The following NUP133 variants were observed in gnomAD, a reference collection of about 807,000 sequenced individuals.
The protein encoded by NUP133 is nucleoporin 133.
A neutral mutation model predicts 146.2 loss-of-function variants in NUP133; 66 were observed. The observed-to-expected ratio is 0.45, with a 90% CI of 0.37 to 0.55. NUP133 has a LOEUF of 0.55. Ranked by LOEUF, NUP133 falls within the 20% of genes least tolerant of loss-of-function variation. The pLI is 0.00. For synonymous variants in NUP133, 521 were observed against 498.8 expected, an observed-to-expected ratio of 1.04 and a Z score of -0.59; for missense variants, 1,277 against 1,374.8, an observed-to-expected ratio of 0.93 and a Z score of 1.12.
At chr1:229,466,968 C>T (rs1397543456) in intron 15 of NUP133, among the ~76,000 whole-genome samples, 1 of 147,284 alleles carries the variant, frequency 6.8e-6, no homozygotes, top group Non-Finnish European at 1.5e-5. Context: ...GTCTTATAAA[C>T]AGGCAAATTC....
At chr1:229,491,791 T>C (rs1661522285) in intron 8 of NUP133, among the ~76,000 whole-genome samples, 1 of 151,900 alleles carries the variant, frequency 6.6e-6, no homozygotes, top group South Asian at 2.1e-4. Context: ...AAAAAAATAA[T>C]TTTAGGCCAG....
In NUP133 at chr1:229,470,184, T is replaced by C. The variant is rs948579406; in HGVS notation, c.2076+396A>G. Among the ~76,000 whole-genome samples the C allele has an allele frequency of 2.7e-5, 4 of 149,272 alleles. 1 individual carries two copies. Among genetic ancestry groups the C allele is most frequent in the African/African-American group, 9.9e-5 (4 of 40,544 alleles). On this transcript the variant is annotated intron_variant, in intron 15 of 25. Coordinates refer to ENST00000261396, the MANE Select transcript of NUP133 (RefSeq NM_018230.3). Reference sequence around the variant, plus strand: ...TCAAACCCCATCTCTACTAAAAATATGAAAATTAGCCGGGGTGGTGGCTAG... The same window carrying C: ...TCAAACCCCATCTCTACTAAAAATACGAAAATTAGCCGGGGTGGTGGCTAG...
chr1:229,449,851 TTATA>T (rs1444482309), intron 23 of NUP133, among the ~76,000 whole-genome samples: 7 of 67,622 alleles, frequency 1.0e-4, no homozygotes, highest in South Asian at 5.2e-4. Flanking sequence ...TATGAAGATT[TTATA>T]TATATATATA....
At chr1:229,455,140 A>C (rs1324095333) in intron 21 of NUP133, among the ~76,000 whole-genome samples, 3 of 152,220 alleles carry the variant, frequency 2.0e-5, no homozygotes, top group Non-Finnish European at 4.4e-5. Context: ...AAAAAATGAC[A>C]GCAGTATAAT....
chr1:229,446,445 G>C (rs980076805), intron 24 of NUP133, among the ~76,000 whole-genome samples: 1 of 151,448 alleles, frequency 6.6e-6, no homozygotes, highest in African/African-American at 2.4e-5. Flanking sequence ...AAAAAAAAGA[G>C]AAAGTAGTAC....
At chr1:229,454,085 C>A (rs144788168) in intron 21 of NUP133, among the ~76,000 whole-genome samples, 1 of 152,196 alleles carries the variant, frequency 6.6e-6, no homozygotes, top group African/African-American at 2.4e-5. Flanking sequence ...GAGTTTCATT[C>A]GCAAATGGAA....
At chr1:229,500,139 T>G (rs1315292569) in intron 4 of NUP133, among the ~76,000 whole-genome samples, 1 of 152,228 alleles carries the variant, frequency 6.6e-6, no homozygotes, top group Non-Finnish European at 1.5e-5. Context: ...GCTGGATACA[T>G]GATTTGCAAA....
At chr1:229,448,152 G>A (rs990308975) in intron 24 of NUP133, among the ~76,000 whole-genome samples, 2 of 152,238 alleles carry the variant, frequency 1.3e-5, no homozygotes, top group Admixed American at 6.5e-5. Context: ...GGAGGAGCCG[G>A]GCGTGGTGGC....
In NUP133 at chr1:229,470,686, T is replaced by C; in HGVS notation, c.1970A>G (p.His657Arg). The change falls in exon 15 of 26, where the codon CAC becomes CGC. Residue 657 changes from histidine to arginine, a missense_variant. Physicochemically the swap from His to Arg is conservative, Grantham distance 29. Coordinates refer to ENST00000261396, the MANE Select transcript of NUP133 (RefSeq NM_018230.3). ...GTTGACAAGGTCAGAAAGCCGGGAG[T>C]GGTGGTTCTTGAGAACAATGGCGGC... Reference protein sequence around the residue: ...LSAAIVLKNHHSRLSDLVNTA... With the variant: ...LSAAIVLKNHRSRLSDLVNTA... 1 of 1,613,914 alleles carries C rather than the reference T, an allele frequency of 6.2e-7. No individual in the cohort carries two copies. Among genetic ancestry groups the C allele is most frequent in the Non-Finnish European group, 8.5e-7 (1 of 1,179,982 alleles).
Position 229,458,483 on chromosome 1 carries a change from A to T in NUP133, c.2845-187T>A, listed in dbSNP as rs539239266. Among the ~76,000 whole-genome samples the T allele has an allele frequency of 7.9e-5, 12 of 152,298 alleles. No individual in the cohort carries two copies. In the South Asian group the frequency reaches 2.5e-3, roughly 32 times the overall value. On this transcript the variant is annotated intron_variant, in intron 20 of 25. Transcript: ENST00000261396. The stretch of plus-strand genomic sequence containing the variant: ...GTAATTACACAGCAAAATATCAACC[A>T]TCCTCACTAAATATTGGGAAAAGAG...
intron 8 of NUP133, among the ~76,000 whole-genome samples, chr1:229,491,490 T>C (rs1218845335): frequency 1.3e-5 from 2 of 151,962 alleles, no homozygotes; most frequent in Non-Finnish European, 2.9e-5. Flanking sequence ...CTAAAATAAA[T>C]TTAAAAGGCC....
At chr1:229,488,677 C>T (rs4925495) in intron 9 of NUP133, among the ~76,000 whole-genome samples, 32,536 of 132,214 alleles carry the variant, frequency 0.25, 3,702 homozygotes, top group Middle Eastern at 0.29. Context: ...GAGTAAGGAT[C>T]AAAAAAAAAA....
chr1:229,499,305 A>AT lies in NUP133; in HGVS notation c.648+378dup, dbSNP rs1422789405. ...TATAAAATGTTTCTAAAAGAAATTC[A>AT]TATCACAAGCTACTATCTGAAATTG... On this transcript the variant is annotated intron_variant, in intron 5 of 25. Coordinates refer to ENST00000261396, the MANE Select transcript of NUP133 (RefSeq NM_018230.3). 3.9e-5 allele frequency: 18 copies of AT among 467,230 alleles called. No homozygotes were observed. The Admixed American group carries it at 4.3e-4, about 11-fold the overall frequency. 28.9% of individuals were successfully genotyped at this position (467,230 alleles called of 1,614,324 possible). A position where few individuals can be genotyped will look rare whatever the true frequency, so the allele number is the denominator to read the frequency against.
rs148017326 is a variant in NUP133 at position 229,462,032 on chromosome 1, C to T, written c.2686-1263G>A. 1.5e-3 allele frequency among the ~76,000 whole-genome samples: 223 copies of T among 152,248 alleles called. 4 individuals carry two copies. In the East Asian group the frequency reaches 0.035, roughly 24 times the overall value. Reference sequence around the variant, plus strand: ...CAGAACAGATGGAATTACAGGCACACGCCACCATGACTGGCTAATTTTTGT... The same window carrying T: ...CAGAACAGATGGAATTACAGGCACATGCCACCATGACTGGCTAATTTTTGT... On this transcript the variant is annotated intron_variant, in intron 19 of 25. Transcript: ENST00000261396.
In NUP133 at chr1:229,471,585, G is replaced by A. The variant is rs542046556; in HGVS notation, c.1852-781C>T. 3.3e-5 allele frequency among the ~76,000 whole-genome samples: 5 copies of A among 152,280 alleles called. No homozygotes were observed. The South Asian group carries it at 1.0e-3, about 32-fold the overall frequency. On this transcript the variant is annotated intron_variant, in intron 14 of 25. Transcript: ENST00000261396. Reference sequence around the variant, plus strand: ...TGCATCTTCTACTGAGTTGCTTGGTGCCCATCTGTCCTGTGTTATGATCTT... The same window carrying A: ...TGCATCTTCTACTGAGTTGCTTGGTACCCATCTGTCCTGTGTTATGATCTT...
At chr1:229,443,894 CTTTTTTTTTTTTTT>C (rs746631129) in intron 25 of NUP133, among the ~76,000 whole-genome samples, 3 of 114,874 alleles carry the variant, frequency 2.6e-5, no homozygotes, top group Non-Finnish European at 5.2e-5. Context: ...GTGCTCAACT[CTTTTTTTTTTTTTT>C]TTTTTTTTTT....
At chr1:229,492,231 C>T (rs762398394) in intron 8 of NUP133, among the ~76,000 whole-genome samples, 50 of 152,060 alleles carry the variant, frequency 3.3e-4, no homozygotes, top group African/African-American at 5.3e-4. Context: ...CTCAGCCTCC[C>T]GAGTGGCTGG....
At chr1:229,455,710 A>AT (rs1018867875) in intron 21 of NUP133, among the ~76,000 whole-genome samples, 7 of 152,040 alleles carry the variant, frequency 4.6e-5, no homozygotes, top group Non-Finnish European at 8.8e-5. Flanking sequence ...TATATAGGTA[A>AT]TTTTTTTTCA....
intron 22 of NUP133, among the ~76,000 whole-genome samples, chr1:229,451,537 T>G (rs968232541): frequency 2.0e-5 from 3 of 152,246 alleles, no homozygotes; most frequent in African/African-American, 7.2e-5. Flanking sequence ...TCTGTATTCT[T>G]CAAATTTCCT....
Sources: allele counts gnomAD v4.1 joint callset (sites outside exome capture counted in the v4.1 genomes callset), GRCh38; gene constraint gnomAD v4.1.1; transcripts MANE v1.5; gene names NCBI Gene and HGNC (gene_info 2026-07-23, HGNC 2026-07-21).